The following PTPRT variants were observed in gnomAD, a reference collection of about 807,000 sequenced individuals.
The protein encoded by PTPRT is protein tyrosine phosphatase receptor type T, also known as receptor-type tyrosine-protein phosphatase T.
A neutral mutation model predicts 176.8 loss-of-function variants in PTPRT; 56 were observed. The observed-to-expected ratio is 0.32, with a 90% CI of 0.26 to 0.40. The LOEUF is 0.40. Ranked by LOEUF, PTPRT falls within the 10% of genes least tolerant of loss-of-function variation. The pLI, the probability that PTPRT is intolerant of heterozygous loss-of-function variation, is 1.00. For synonymous variants in PTPRT, 783 were observed against 739.0 expected (o/e 1.06, Z -0.96); for missense variants, 1,540 against 1,908.2 (o/e 0.81, Z 3.60).
In PTPRT at chr20:42,184,518, C is replaced by CCTCCTT. The variant is rs1555797922; in HGVS notation, c.2491+14721_2491+14722insAAGGAG. Among the ~76,000 whole-genome samples, 137 of 54,468 alleles carry CCTCCTT rather than the reference C, an allele frequency of 2.5e-3. 1 individual carries two copies. Among genetic ancestry groups the CCTCCTT allele is most frequent in the Admixed American group, 5.9e-3 (31 of 5,256 alleles). The allele number at this position is 54,468 out of a possible 152,430, so 35.7% of individuals were successfully genotyped here. A position where few individuals can be genotyped will look rare whatever the true frequency, so the allele number is the denominator to read the frequency against. Reference sequence around the variant, plus strand: ...CTCCCCCCTTCCTCCTCCTCCTCCTCCTTCTTCTTCTTCTTCCTCTTCCTC... The same window carrying CCTCCTT: ...CTCCCCCCTTCCTCCTCCTCCTCCTCCTCCTTCTTCTTCTTCTTCTTCCTCTTCCTC... On this transcript the variant is annotated intron_variant, in intron 16 of 30. Coordinates refer to ENST00000373187, the MANE Select transcript of PTPRT (RefSeq NM_007050.6).
chr20:42,389,631 T>G (rs1439322917), intron 9 of PTPRT, among the ~76,000 whole-genome samples: 1 of 152,048 alleles, frequency 6.6e-6, no homozygotes, highest in African/African-American at 2.4e-5. Context: ...GAGAGACTTC[T>G]TGCTTGAGTC....
At chr20:42,094,822 G>A (rs562088801) in intron 27 of PTPRT, among the ~76,000 whole-genome samples, 9 of 152,200 alleles carry the variant, frequency 5.9e-5, no homozygotes, top group African/African-American at 1.9e-4. Flanking sequence ...CCCAGGAGGC[G>A]GCAGAGTTGA....
intron 7 of PTPRT, among the ~76,000 whole-genome samples, chr20:42,665,350 C>A (rs1412953771): frequency 6.6e-6 from 1 of 152,214 alleles, no homozygotes; most frequent in South Asian, 2.1e-4. Context: ...AAATGCTCAT[C>A]ATCACTGGCC....
chr20:42,728,954 A>T (rs2076420433), intron 6 of PTPRT, among the ~76,000 whole-genome samples: 1 of 152,188 alleles, frequency 6.6e-6, no homozygotes. Context: ...AAGAACAGGA[A>T]AATAACCACA....
At chr20:42,772,262 C>T (rs2077073822) in intron 4 of PTPRT, among the ~76,000 whole-genome samples, 1 of 151,968 alleles carries the variant, frequency 6.6e-6, no homozygotes, top group South Asian at 2.1e-4. Context: ...CTCACTTAAC[C>T]CAATGCAGTC....
At chr20:42,037,804 C>T in the PTPRT span, among the ~76,000 whole-genome samples, 2 of 152,154 alleles carry the variant, frequency 1.3e-5, no homozygotes, top group African/African-American at 4.8e-5. Flanking sequence ...CTCTTCCCTG[C>T]TATCTGGAGC....
intron 9 of PTPRT, among the ~76,000 whole-genome samples, chr20:42,432,702 T>C (rs1485837112): frequency 6.6e-6 from 1 of 152,194 alleles, no homozygotes; most frequent in Non-Finnish European, 1.5e-5. Context: ...ACTGAAAACA[T>C]TCCTTTCTGC....
At position 42,590,840 on chromosome 20, in the gene PTPRT, C is replaced by T. The variant is rs148980201; in HGVS notation, c.1153+87026G>A. Among the ~76,000 whole-genome samples the T allele has an allele frequency of 5.4e-3, 815 of 151,820 alleles. 10 individuals carry two copies. The highest frequency in any genetic ancestry group is 0.018 in the African/African-American group (739 of 41,406). On this transcript the variant is annotated intron_variant, in intron 7 of 30. Transcript: ENST00000373187. ...ATCAATACATTAATAATTAAAACCTCGATAATTGATTGGCTTATTGACAGA... is the reference window on the plus strand; with the variant it reads ...ATCAATACATTAATAATTAAAACCTTGATAATTGATTGGCTTATTGACAGA...
the PTPRT span, among the ~76,000 whole-genome samples, chr20:42,060,777 C>T: frequency 1.3e-5 from 2 of 152,150 alleles, no homozygotes; most frequent in Non-Finnish European, 2.9e-5. Context: ...TGAAAAGAGA[C>T]GAATACACTC....
At chr20:42,976,054 G>A (rs1982927915) in intron 1 of PTPRT, among the ~76,000 whole-genome samples, 1 of 152,082 alleles carries the variant, frequency 6.6e-6, no homozygotes, top group South Asian at 2.1e-4. Flanking sequence ...TGACAGATAA[G>A]AAAATGAATG....
chr20:43,027,363 C>A (rs941216335), intron 1 of PTPRT, among the ~76,000 whole-genome samples: 11 of 151,652 alleles, frequency 7.3e-5, no homozygotes, highest in Non-Finnish European at 1.6e-4. Flanking sequence ...ATAATCCCAG[C>A]TACTTGGGAG....
chr20:42,889,813 G>C (rs1600524100), intron 1 of PTPRT, among the ~76,000 whole-genome samples: 1 of 152,304 alleles, frequency 6.6e-6, no homozygotes, highest in South Asian at 2.1e-4. Flanking sequence ...GGAAAAGAAA[G>C]AAAAGCAGGA....
At chr20:42,510,347 T>C (rs1224724066) in intron 7 of PTPRT, among the ~76,000 whole-genome samples, 1 of 152,108 alleles carries the variant, frequency 6.6e-6, no homozygotes, top group Non-Finnish European at 1.5e-5. Flanking sequence ...GTAGCCTATA[T>C]TCTTCTTGAA....
intron 1 of PTPRT, among the ~76,000 whole-genome samples, chr20:43,044,377 T>A (rs777754725): frequency 3.1e-4 from 47 of 152,032 alleles, no homozygotes; most frequent in Non-Finnish European, 6.2e-4. Flanking sequence ...AGGTTACAGT[T>A]TCCCCCTCTC....
chr20:43,057,399 AGAAGGAAG>A, intron 1 of PTPRT, among the ~76,000 whole-genome samples: 1 of 134,116 alleles, frequency 7.5e-6, no homozygotes, highest in Middle Eastern at 3.7e-3. Flanking sequence ...AAGGAGGAAA[AGAAGGAAG>A]GAGGGAAGGA....
intron 7 of PTPRT, among the ~76,000 whole-genome samples, chr20:42,601,328 T>C (rs1243758222): frequency 6.6e-6 from 1 of 152,208 alleles, no homozygotes; most frequent in Non-Finnish European, 1.5e-5. Flanking sequence ...TTCCAGTGGA[T>C]GCAAGTGATT....
At chr20:43,131,325 A>C (rs2013639766) in intron 1 of PTPRT, among the ~76,000 whole-genome samples, 1 of 152,016 alleles carries the variant, frequency 6.6e-6, no homozygotes, top group Non-Finnish European at 1.5e-5. Flanking sequence ...TGGGAATCAC[A>C]CCTCCACTCT....
chr20:42,481,089 C>G (rs2071376577), intron 7 of PTPRT, among the ~76,000 whole-genome samples: 1 of 151,510 alleles, frequency 6.6e-6, no homozygotes, highest in African/African-American at 2.4e-5. Flanking sequence ...GCAGGTTAGA[C>G]AGTCTCTGTT....
intron 1 of PTPRT, among the ~76,000 whole-genome samples, chr20:43,153,264 A>G (rs2014418562): frequency 6.6e-6 from 1 of 152,246 alleles, no homozygotes; most frequent in Non-Finnish European, 1.5e-5. Context: ...AAACACAGAT[A>G]TGTTAATATA....
Sources: allele counts gnomAD v4.1 joint callset (sites outside exome capture counted in the v4.1 genomes callset), GRCh38; gene constraint gnomAD v4.1.1; transcripts MANE v1.5; gene names NCBI Gene and HGNC (gene_info 2026-07-23, HGNC 2026-07-21).